Variants in XXYLT1 observed in about 807,000 individuals in gnomAD.
XXYLT1 encodes the protein UDP-xylose:alpha-xyloside alpha-1,3-xylosyltransferase.
Under a neutral mutation model 28.9 loss-of-function variants are expected in XXYLT1, and 20 were observed. The observed-to-expected ratio is 0.69, with a 90% CI of 0.49 to 1.00. The LOEUF (loss-of-function observed/expected upper bound fraction) is 1.00, where lower values mean the gene tolerates loss of function less well. Among genes scored for constraint, XXYLT1 ranks in the 50% least tolerant of loss-of-function variants. The pLI is 0.00. For missense variants in XXYLT1, 542 were observed against 560.1 expected (o/e 0.97, Z 0.33); for synonymous variants, 257 against 253.8 (o/e 1.01, Z -0.12).
chr3:195,184,591 C>A (rs1460241508), intron 2 of XXYLT1: 12 of 940,754 alleles, frequency 1.3e-5, no homozygotes, highest in Non-Finnish European at 1.3e-5. Context: ...TTGGAAGAAC[C>A]CCCCCAAGAA....
chr3:195,213,642 T>TGAGA (rs1332187460), intron 2 of XXYLT1, among the ~76,000 whole-genome samples: 1 of 152,264 alleles, frequency 6.6e-6, no homozygotes, highest in African/African-American at 2.4e-5. Context: ...AAAGGCATTC[T>TGAGA]GTGGTCAATC....
rs1725619053 is a variant in XXYLT1 at position 195,259,867 on chromosome 3, A to C, written c.504+10688T>G. ...GCCGGGTGTGACGGGGACCGGGCGG[A>C]CTGGAAAGGATGTGGCTGGGGCCCC... On this transcript the variant is annotated intron_variant, in intron 1 of 3. Transcript: ENST00000310380. 2.4e-5 allele frequency: 4 copies of C among 168,474 alleles called. No homozygotes were observed. In the South Asian group the frequency reaches 5.9e-4, roughly 25 times the overall value. The allele number at this position is 168,474 out of a possible 1,614,324, so 10.4% of individuals were successfully genotyped here.
rs1715257836 is a variant in XXYLT1 at position 195,078,658 on chromosome 3, C to A, written c.786-8547G>T. ...ACACTTGGATCTGGACAGAATGACA[C>A]CCAGACAGTACCTCAGTACCCCTCC... On this transcript the variant is annotated intron_variant, in intron 3 of 3. Transcript: ENST00000310380. The surrounding 1 kb of genome is among the most constrained non-coding windows in gnomAD (Gnocchi z 5.0). Among the ~76,000 whole-genome samples, 1 of 152,118 alleles carries A rather than the reference C, an allele frequency of 6.6e-6. No homozygotes were observed. The highest frequency in any genetic ancestry group is 2.4e-5 in the African/African-American group (1 of 41,396).
chr3:195,130,401 G>T (rs933405916), intron 3 of XXYLT1, among the ~76,000 whole-genome samples: 1 of 152,270 alleles, frequency 6.6e-6, no homozygotes, highest in Non-Finnish European at 1.5e-5. Flanking sequence ...GATGAGTGAA[G>T]ATGGGGTGGA....
At chr3:195,167,329 G>A (rs1413838686) in intron 2 of XXYLT1, among the ~76,000 whole-genome samples, 4 of 152,148 alleles carry the variant, frequency 2.6e-5, no homozygotes, top group Admixed American at 2.6e-4. Context: ...GGTGACTCAT[G>A]CCTGTAATCT....
chr3:195,269,914 G>A (rs961844642), intron 1 of XXYLT1, among the ~76,000 whole-genome samples: 1 of 152,190 alleles, frequency 6.6e-6, no homozygotes, highest in Non-Finnish European at 1.5e-5. Context: ...GGGACAAGGC[G>A]GCCAGCTGTG....
At chr3:195,157,589 T>TA (rs1243213697) in intron 2 of XXYLT1, among the ~76,000 whole-genome samples, 1 of 152,156 alleles carries the variant, frequency 6.6e-6, no homozygotes, top group Non-Finnish European at 1.5e-5. Flanking sequence ...GTCATTCCCC[T>TA]ATCCTTCACC....
chr3:195,161,893 C>T (rs1720891438), intron 2 of XXYLT1, among the ~76,000 whole-genome samples: 1 of 152,040 alleles, frequency 6.6e-6, no homozygotes, highest in South Asian at 2.1e-4. Flanking sequence ...GCTAGGATTA[C>T]AGGTGTGAGC....
intron 3 of XXYLT1, among the ~76,000 whole-genome samples, chr3:195,114,927 C>G (rs934252212): frequency 6.6e-6 from 1 of 152,216 alleles, no homozygotes; most frequent in African/African-American, 2.4e-5. Context: ...GGGAAGACAC[C>G]GGGGTCGGCC....
chr3:195,256,216 G>C lies in XXYLT1; in HGVS notation c.504+14339C>G, dbSNP rs1725471934. On this transcript the variant is annotated intron_variant, in intron 1 of 3. Transcript: ENST00000310380. The surrounding 1 kb of genome is among the most constrained non-coding windows in gnomAD (Gnocchi z 4.2). ...GGCTCCGAGCAAGCTCATCTGTGCA[G>C]CCTCTTCCTAGGGGAGACTAGCTAC... Among the ~76,000 whole-genome samples, 1 of 152,218 alleles carries C rather than the reference G, an allele frequency of 6.6e-6. No individual in the cohort carries two copies. Among genetic ancestry groups the C allele is most frequent in the Admixed American group, 6.5e-5 (1 of 15,292 alleles).
intron 3 of XXYLT1, among the ~76,000 whole-genome samples, chr3:195,105,585 G>C (rs1162997256): frequency 6.6e-6 from 1 of 152,222 alleles, no homozygotes; most frequent in South Asian, 2.1e-4. Context: ...TCAGATGGTG[G>C]AGAAAATGAC....
chr3:195,161,295 C>T (rs1253277784), intron 2 of XXYLT1, among the ~76,000 whole-genome samples: 4 of 152,228 alleles, frequency 2.6e-5, no homozygotes, highest in Admixed American at 6.5e-5. Flanking sequence ...AGATTCGCCT[C>T]GCTCGATAGT....
At chr3:195,252,495 C>T (rs536527970) in intron 1 of XXYLT1, among the ~76,000 whole-genome samples, 1 of 151,694 alleles carries the variant, frequency 6.6e-6, no homozygotes, top group Non-Finnish European at 1.5e-5. Context: ...AGGCAAAAAG[C>T]GGGGCTGTGT....
chr3:195,155,412 C>T (rs1720513572), intron 3 of XXYLT1, among the ~76,000 whole-genome samples: 1 of 152,322 alleles, frequency 6.6e-6, no homozygotes, highest in African/African-American at 2.4e-5. Context: ...AACTCGGCAG[C>T]TCTGCTCTGG....
chr3:195,227,192 C>G (rs1037069735), intron 1 of XXYLT1, among the ~76,000 whole-genome samples: 2 of 152,100 alleles, frequency 1.3e-5, no homozygotes, highest in Non-Finnish European at 2.9e-5. Flanking sequence ...GCTGGGCCCC[C>G]CTGAAGGTAG....
chr3:195,102,362 C>T (rs1310744186), intron 3 of XXYLT1, among the ~76,000 whole-genome samples: 2 of 152,166 alleles, frequency 1.3e-5, no homozygotes, highest in East Asian at 1.9e-4. Flanking sequence ...TCATGTCACA[C>T]ATGAACCCTC....
intron 3 of XXYLT1, among the ~76,000 whole-genome samples, chr3:195,143,347 T>TG (rs1365630359): frequency 1.3e-5 from 2 of 152,228 alleles, no homozygotes; most frequent in African/African-American, 4.8e-5. Context: ...TGGCCATTCT[T>TG]GGGCTCAGTC....
At chr3:195,142,725 G>C (rs564859420) in intron 3 of XXYLT1, among the ~76,000 whole-genome samples, 9 of 152,390 alleles carry the variant, frequency 5.9e-5, no homozygotes, top group Admixed American at 5.9e-4. Context: ...GCTGGGGTGC[G>C]TATGCACGCT....
intron 1 of XXYLT1, among the ~76,000 whole-genome samples, chr3:195,261,607 T>C (rs114107963): frequency 0.011 from 1,636 of 152,282 alleles, 34 homozygotes; most frequent in African/African-American, 0.037. Flanking sequence ...AACCATGTCC[T>C]CGGAATATGC....
Sources: gnomAD v4.1 joint callset for allele counts (sites outside exome capture counted in the v4.1 genomes callset) on GRCh38, gnomAD v4.1.1 for gene constraint, Gnocchi (gnomAD v3.1) non-coding constraint, MANE v1.5 for transcripts, NCBI Gene and HGNC (gene_info 2026-07-23, HGNC 2026-07-21) for gene names.